PRRC2A: variants seen among roughly 807,000 people sequenced by gnomAD.
PRRC2A encodes the protein proline rich coiled-coil 2A.
PRRC2A carries 59 observed loss-of-function variants against 224.6 expected under a neutral mutation model. The ratio of observed to expected loss-of-function variants is 0.26; its 90% CI spans 0.21 to 0.33. PRRC2A has a LOEUF of 0.33. Ranked by LOEUF, PRRC2A falls within the 10% of genes least tolerant of loss-of-function variation. The pLI is 1.00. For synonymous variants in PRRC2A, 1,194 were observed against 1,109.5 expected (o/e 1.08, Z -1.51); for missense variants, 3,095 against 2,880.7 (o/e 1.07, Z -1.70).
At chr6:31,633,273 C>G in intron 16 of PRRC2A, 106 bp from the exon 17 acceptor site, 7 of 1,487,754 alleles carry the variant, frequency 4.7e-6, no homozygotes, top group Non-Finnish European at 5.4e-6. Flanking sequence ...AACACCTGGA[C>G]TTTAATAGGG....
chr6:31,632,525 T>A lies in PRRC2A; in HGVS notation c.3852T>A (p.Pro1284=). 1 of 1,609,700 alleles carries A rather than the reference T, an allele frequency of 6.2e-7. No homozygotes were observed. The highest frequency in any genetic ancestry group is 8.5e-7 in the Non-Finnish European group (1 of 1,177,804). The change falls in exon 16 of 31, where the codon CCT becomes CCA. Residue 1284 remains proline (P), a synonymous_variant. Transcript: ENST00000376033. ...KPSLTLPASA[P]GPEEALTTVT... Reference sequence around the variant, plus strand: ...CCCTAACCCTTCCAGCCTCCGCTCCTGGACCTGAGGAGGCCCTCACAACAG... The same window carrying A: ...CCCTAACCCTTCCAGCCTCCGCTCCAGGACCTGAGGAGGCCCTCACAACAG...
At chr6:31,622,658 G>C in intron 1 of PRRC2A, 32 bp from the exon 2 acceptor site, 4 of 665,018 alleles carry the variant, frequency 6.0e-6, no homozygotes, top group South Asian at 6.0e-5. Flanking sequence ...TAATGCAATG[G>C]AGTTTTTAAG....
In PRRC2A at chr6:31,626,644, T is replaced by C. The variant is rs966795443; in HGVS notation, c.983-128T>C. 5.0e-5 allele frequency: 40 copies of C among 797,790 alleles called. No individual in the cohort carries two copies. In the African/African-American group the frequency reaches 6.1e-4, roughly 12 times the overall value. The allele number at this position is 797,790 out of a possible 1,614,324, so 49.4% of individuals were successfully genotyped here. On this transcript the variant is annotated intron_variant, in intron 9 of 30. Coordinates refer to ENST00000376033, the MANE Select transcript of PRRC2A (RefSeq NM_004638.4). ...GAGGAGTAAGAATGACAAGACTTCA[T>C]TGGTGGATCTAGACTTCGGAGGGAA... is the stretch of plus-strand genomic sequence containing the variant.
Position 31,631,845 on chromosome 6 carries a change from C to T in PRRC2A, c.3172C>T (p.Arg1058Ter), listed in dbSNP as rs1776630445. The change falls in exon 16 of 31, where the codon CGA becomes TGA. Residue 1058 changes from arginine (R) to a stop codon, truncating the protein, a stop_gained. Coordinates refer to ENST00000376033, the MANE Select transcript of PRRC2A (RefSeq NM_004638.4). LOFTEE classifies it high-confidence loss of function. The surrounding 1 kb of genome is among the most constrained non-coding windows in gnomAD (Gnocchi z 4.5). ...GARSREFRSY[R>*]EFRGDDGRGG... ...CCGAAGCCGGGAATTCCGCAGTTACCGAGAGTTTCGAGGAGATGATGGGCG... is the reference window on the plus strand; with the variant it reads ...CCGAAGCCGGGAATTCCGCAGTTACTGAGAGTTTCGAGGAGATGATGGGCG... 1.9e-6 allele frequency: 3 copies of T among 1,604,954 alleles called. No individual in the cohort carries two copies. The highest frequency in any genetic ancestry group is 2.6e-6 in the Non-Finnish European group (3 of 1,175,628).
At chr6:31,635,336 G>A (rs143756754) in intron 22 of PRRC2A, 58 bp from the exon 23 acceptor site, 1 of 1,613,832 alleles carries the variant, frequency 6.2e-7, no homozygotes, top group African/African-American at 1.3e-5. Flanking sequence ...CTAAAGGTGG[G>A]ACATAGAGGA....
chr6:31,625,775 G>C lies in PRRC2A; in HGVS notation c.760-17G>C. ...ATGACTGTCCCTCTGAGCAGCTACTGTTGGACCCTTTTACAGATGTATCCC... is the reference window on the plus strand; with the variant it reads ...ATGACTGTCCCTCTGAGCAGCTACTCTTGGACCCTTTTACAGATGTATCCC... On this transcript the variant is annotated splice_polypyrimidine_tract_variant and intron_variant, in intron 7 of 30. Transcript: ENST00000376033. The surrounding 1 kb of genome is among the most constrained non-coding windows in gnomAD (Gnocchi z 4.1). 1 of 1,563,844 alleles carries C rather than the reference G, an allele frequency of 6.4e-7. No homozygotes were observed. Among genetic ancestry groups the C allele is most frequent in the Non-Finnish European group, 8.8e-7 (1 of 1,134,480 alleles).
chr6:31,623,327 G>A, intron 2 of PRRC2A: 2 of 417,684 alleles, frequency 4.8e-6, no homozygotes, highest in Non-Finnish European at 8.8e-6. Flanking sequence ...GAGTGCAATG[G>A]TGTGATCTTG....
chr6:31,634,245 C>G lies in PRRC2A; in HGVS notation c.4729C>G (p.Pro1577Ala). 1 of 1,582,104 alleles carries G rather than the reference C, an allele frequency of 6.3e-7. No homozygotes were observed. Among genetic ancestry groups the G allele is most frequent in the Non-Finnish European group, 8.5e-7 (1 of 1,171,042 alleles). The change falls in exon 19 of 31, where the codon CCA (proline) becomes GCA (alanine). Residue 1577 changes from proline to alanine, a missense_variant. By Grantham distance (27) the Pro-to-Ala change is conservative (BLOSUM62 -1). This residue lies in a region of PRRC2A where 2,001 missense variants were observed against 1,764.9 expected (regional missense o/e 1.13). Transcript: ENST00000376033. ...CCCTTCTCATCTGTAGGAATCTTTGCCACCTCCTCATAGCTCTGGATTCTT... is the reference window on the plus strand; with the variant it reads ...CCCTTCTCATCTGTAGGAATCTTTGGCACCTCCTCATAGCTCTGGATTCTT... ...KPELLQEESLPPPHSSGFLGS... is the reference protein window; with the variant it reads ...KPELLQEESLAPPHSSGFLGS...
rs1776643293 is a variant in PRRC2A, at chr6:31,631,914, G to C, written c.3241G>C (p.Gly1081Arg). ...GGPNHPPAPRGRTASETRSEG... is the reference protein window; with the variant it reads ...GGPNHPPAPRRRTASETRSEG... ...ACCAAACCACCCTCCTGCTCCCCGA[G>C]GCCGCACTGCCAGCGAGACACGGAG... The change falls in exon 16 of 31, where the codon GGC becomes CGC. Residue 1081 changes from glycine to arginine, a missense_variant. Physicochemically the swap from Gly to Arg is moderately radical, Grantham distance 125. Around this residue, in one of 8 missense-constraint regions of PRRC2A, gnomAD observed 2,001 missense variants for 1,764.9 expected, o/e 1.13. Coordinates refer to ENST00000376033, the MANE Select transcript of PRRC2A (RefSeq NM_004638.4). The surrounding 1 kb of genome is among the most constrained non-coding windows in gnomAD (Gnocchi z 4.5). 2.5e-6 allele frequency: 4 copies of C among 1,612,572 alleles called. No homozygotes were observed. The highest frequency in any genetic ancestry group is 3.4e-6 in the Non-Finnish European group (4 of 1,179,896).
chr6:31,635,097 C>G, intron 21 of PRRC2A, 35 bp from the exon 22 acceptor site: 1 of 1,605,282 alleles, frequency 6.2e-7, no homozygotes, highest in Non-Finnish European at 8.5e-7. Flanking sequence ...TTCCCTTTCC[C>G]TCCCCCAATG....
At chr6:31,635,489 G>A (rs1348099915) in intron 23 of PRRC2A, 24 bp downstream of exon 23, 1 of 1,613,242 alleles carries the variant, frequency 6.2e-7, no homozygotes, top group Non-Finnish European at 8.5e-7. Flanking sequence ...AGAGTTTGGT[G>A]GAAAGGCCCA....
In PRRC2A at chr6:31,635,223, G is replaced by A. The variant is rs775593290; in HGVS notation, c.5252G>A (p.Arg1751Gln). The A allele has an allele frequency of 8.7e-6, 14 of 1,614,090 alleles. No homozygotes were observed. Among genetic ancestry groups the A allele is most frequent in the East Asian group, 6.7e-5 (3 of 44,896 alleles). Residue 1751 changes from arginine to glutamine, a missense_variant, in exon 22 of 31, where the codon CGG becomes CAG. By Grantham distance (43) the Arg-to-Gln change is conservative. Coordinates refer to ENST00000376033, the MANE Select transcript of PRRC2A (RefSeq NM_004638.4). ...CGAGGCACAGAGCCTGGCCCCATTC[G>A]GCCATCCCATCGACCTGGTCCCCCA... ...TDRGTEPGPI[R>Q]PSHRPGPPVQ...
intron 13 of PRRC2A, 78 bp from the exon 14 acceptor site, chr6:31,629,470 T>TC (rs1776288691): frequency 7.0e-7 from 1 of 1,422,974 alleles, no homozygotes; most frequent in South Asian, 1.2e-5. Flanking sequence ...TTTCCCCTAG[T>TC]CCAAGTTTTT....
intron 5 of PRRC2A, chr6:31,624,954 C>T: frequency 1.7e-6 from 1 of 593,522 alleles, no homozygotes; most frequent in South Asian, 2.1e-5. Context: ...CACGCCAACA[C>T]ACCCAGCTAA....
In PRRC2A at chr6:31,631,887, G is replaced by A. The variant is rs1204435422; in HGVS notation, c.3214G>A (p.Gly1072Arg). The change falls in exon 16 of 31, where the codon GGA becomes AGA. Residue 1072 changes from glycine to arginine, a missense_variant. Gly to Arg is a moderately radical substitution (Grantham distance 125). Around this residue, in one of 8 missense-constraint regions of PRRC2A, gnomAD observed 2,001 missense variants for 1,764.9 expected, o/e 1.13. Coordinates refer to ENST00000376033, the MANE Select transcript of PRRC2A (RefSeq NM_004638.4). The surrounding 1 kb of genome is among the most constrained non-coding windows in gnomAD (Gnocchi z 4.5). Reference protein sequence around the residue: ...GDDGRGGGTGGPNHPPAPRGR... With the variant: ...GDDGRGGGTGRPNHPPAPRGR... The stretch of plus-strand genomic sequence containing the variant: ...TGATGGGCGTGGAGGTGGGACAGGG[G>A]GACCAAACCACCCTCCTGCTCCCCG... The A allele has an allele frequency of 9.3e-6, 15 of 1,611,288 alleles. No individual in the cohort carries two copies. Among genetic ancestry groups the A allele is most frequent in the Non-Finnish European group, 1.1e-5 (13 of 1,179,384 alleles).
chr6:31,632,134 C>A lies in PRRC2A; in HGVS notation c.3461C>A (p.Thr1154Asn), dbSNP rs1469818628. The A allele has an allele frequency of 6.4e-7, 1 of 1,559,394 alleles. No homozygotes were observed. The highest frequency in any genetic ancestry group is 2.3e-5 in the East Asian group (1 of 44,348). Reference protein sequence around the residue: ...APPSPAPARFTARGGRVFTPR... With the variant: ...APPSPAPARFNARGGRVFTPR... Reference sequence around the variant, plus strand: ...CCTTCACCAGCCCCAGCCCGCTTCACTGCCCGGGGTGGGCGAGTCTTCACT... The same window carrying A: ...CCTTCACCAGCCCCAGCCCGCTTCAATGCCCGGGGTGGGCGAGTCTTCACT... Residue 1154 changes from threonine (T) to asparagine (N), a missense_variant, in exon 16 of 31, where the codon ACT becomes AAT. By Grantham distance (65) the Thr-to-Asn change is moderately conservative. Transcript: ENST00000376033.
chr6:31,632,535 G>A lies in PRRC2A; in HGVS notation c.3862G>A (p.Glu1288Lys). Reference protein sequence around the residue: ...TLPASAPGPEEALTTVTVAPA... With the variant: ...TLPASAPGPEKALTTVTVAPA... ...TCCAGCCTCCGCTCCTGGACCTGAG[G>A]AGGCCCTCACAACAGTCACAGTGGC... Residue 1288 changes from glutamate to lysine, a missense_variant, in exon 16 of 31, where the codon GAG becomes AAG. By Grantham distance (56) the Glu-to-Lys change is moderately conservative. Around this residue, in one of 8 missense-constraint regions of PRRC2A, gnomAD observed 2,001 missense variants for 1,764.9 expected, o/e 1.13. Coordinates refer to ENST00000376033, the MANE Select transcript of PRRC2A (RefSeq NM_004638.4). The A allele has an allele frequency of 6.2e-7, 1 of 1,610,374 alleles. No homozygotes were observed. Among genetic ancestry groups the A allele is most frequent in the Non-Finnish European group, 8.5e-7 (1 of 1,178,198 alleles).
chr6:31,625,978 G>T lies in PRRC2A; in HGVS notation c.840-42G>T. 3 of 1,608,060 alleles carry T rather than the reference G, an allele frequency of 1.9e-6. No individual in the cohort carries two copies. Among genetic ancestry groups the T allele is most frequent in the Non-Finnish European group, 2.5e-6 (3 of 1,177,218 alleles). On this transcript the variant is annotated intron_variant, in intron 8 of 30. Coordinates refer to ENST00000376033, the MANE Select transcript of PRRC2A (RefSeq NM_004638.4). The surrounding 1 kb of genome is among the most constrained non-coding windows in gnomAD (Gnocchi z 4.1). ...CAGTCTAGGATCAGTCTCGCATGTG[G>T]TTATACAACATGCCATATTTCATTT...
rs1775770618 is a variant in PRRC2A, at chr6:31,625,242, C to G, written c.535C>G (p.Gln179Glu). 1 of 1,613,066 alleles carries G rather than the reference C, an allele frequency of 6.2e-7. No homozygotes were observed. The highest frequency in any genetic ancestry group is 8.5e-7 in the Non-Finnish European group (1 of 1,180,042). Residue 179 changes from glutamine to glutamate, a missense_variant, in exon 6 of 31, where the codon CAG (glutamine) becomes GAG (glutamate). Coordinates refer to ENST00000376033, the MANE Select transcript of PRRC2A (RefSeq NM_004638.4). The surrounding 1 kb of genome is among the most constrained non-coding windows in gnomAD (Gnocchi z 4.1). Reference protein sequence around the residue: ...EFPTLQAAGDQDKAAKERESA... With the variant: ...EFPTLQAAGDEDKAAKERESA... Reference sequence around the variant, plus strand: ...TCCGACCCTGCAGGCGGCTGGCGACCAGGACAAGGCTGCCAAGGAAAGGGA... The same window carrying G: ...TCCGACCCTGCAGGCGGCTGGCGACGAGGACAAGGCTGCCAAGGAAAGGGA...
Sources: gnomAD v4.1 joint callset for allele counts on GRCh38, gnomAD v4.1.1 for gene constraint, gnomAD v4.1.1 regional missense constraint, Gnocchi (gnomAD v3.1) non-coding constraint, MANE v1.5 for transcripts, NCBI Gene and HGNC (gene_info 2026-07-23, HGNC 2026-07-21) for gene names.